The following KCNH1 variants were observed in gnomAD, a reference collection of about 807,000 sequenced individuals.
KCNH1 encodes the protein voltage-gated delayed rectifier potassium channel KCNH1.
Under a neutral mutation model 69.2 loss-of-function variants are expected in KCNH1, and 27 were observed. That is an observed-to-expected ratio of 0.39 (90% confidence interval 0.29 to 0.54). The LOEUF is 0.54. Ranked by LOEUF, KCNH1 falls within the 20% of genes least tolerant of loss-of-function variation. The pLI is 0.68. For missense variants in KCNH1, 798 were observed against 1,261.6 expected, an observed-to-expected ratio of 0.63 and a Z score of 5.57; for synonymous variants, 456 against 487.7, an observed-to-expected ratio of 0.93 and a Z score of 0.86.
At chr1:211,052,900 C>T (rs1259403995) in intron 5 of KCNH1, among the ~76,000 whole-genome samples, 1 of 152,204 alleles carries the variant, frequency 6.6e-6, no homozygotes, top group African/African-American at 2.4e-5. Context: ...TGGCTCATGG[C>T]CATCTCGCTC....
intron 6 of KCNH1, among the ~76,000 whole-genome samples, chr1:210,994,998 A>G (rs1362834102): frequency 1.3e-5 from 2 of 152,340 alleles, no homozygotes; most frequent in Admixed American, 6.5e-5. Flanking sequence ...TAAGTTCTCA[A>G]AAAACATTAG....
chr1:211,041,994 A>G (rs1690004671), intron 5 of KCNH1, among the ~76,000 whole-genome samples: 1 of 152,106 alleles, frequency 6.6e-6, no homozygotes, highest in South Asian at 2.1e-4. Context: ...ACCTCAAGTG[A>G]TCCACCCACC....
chr1:210,738,939 T>C (rs1032478792), intron 10 of KCNH1, among the ~76,000 whole-genome samples: 2 of 152,152 alleles, frequency 1.3e-5, no homozygotes, highest in African/African-American at 4.8e-5. Flanking sequence ...CTCCTTCCAA[T>C]AAATTCTCCT....
At chr1:210,851,525 G>A (rs776400570) in intron 7 of KCNH1, among the ~76,000 whole-genome samples, 4 of 152,136 alleles carry the variant, frequency 2.6e-5, no homozygotes, top group Admixed American at 6.5e-5. Context: ...TCATCAATTG[G>A]AGATATACCT....
intron 6 of KCNH1, among the ~76,000 whole-genome samples, chr1:211,008,255 A>AGTG (rs1689322323): frequency 1.3e-5 from 2 of 152,236 alleles, no homozygotes; most frequent in Non-Finnish European, 2.9e-5. Flanking sequence ...AACATGAATA[A>AGTG]ACCTTGATGA....
chr1:210,820,549 G>T (rs957580603), intron 7 of KCNH1, among the ~76,000 whole-genome samples: 2 of 152,092 alleles, frequency 1.3e-5, no homozygotes, highest in African/African-American at 2.4e-5. Context: ...CAGGAGAATT[G>T]CTTGAACCCA....
intron 10 of KCNH1, among the ~76,000 whole-genome samples, chr1:210,699,451 G>A (rs891998247): frequency 6.6e-6 from 1 of 152,236 alleles, no homozygotes; most frequent in Non-Finnish European, 1.5e-5. Context: ...CCACTCTGCC[G>A]AGGAGGAGCT....
chr1:210,876,543 A>T (rs1686378382), intron 7 of KCNH1, among the ~76,000 whole-genome samples: 1 of 152,310 alleles, frequency 6.6e-6, no homozygotes, highest in Non-Finnish European at 1.5e-5. Context: ...GCCAGGGCTA[A>T]CTAGGTCTAT....
chr1:210,891,224 G>C (rs1050850232), intron 7 of KCNH1, among the ~76,000 whole-genome samples: 1 of 152,170 alleles, frequency 6.6e-6, no homozygotes, highest in Non-Finnish European at 1.5e-5. Flanking sequence ...AAAAGGATGA[G>C]TTCATGTCCT....
intron 6 of KCNH1, among the ~76,000 whole-genome samples, chr1:211,007,364 G>T (rs79195643): frequency 6.6e-6 from 1 of 152,112 alleles, no homozygotes; most frequent in Non-Finnish European, 1.5e-5. Flanking sequence ...GTTTAACTGG[G>T]TTAAGAGCTT....
chr1:210,726,070 T>C (rs1347572377), intron 10 of KCNH1, among the ~76,000 whole-genome samples: 5 of 152,194 alleles, frequency 3.3e-5, no homozygotes, highest in Admixed American at 6.5e-5. Flanking sequence ...GCCTTCTTTT[T>C]GACAAAGGAA....
intron 1 of KCNH1, among the ~76,000 whole-genome samples, chr1:211,114,446 TAAATA>T (rs550317618): frequency 8.4e-4 from 128 of 152,286 alleles, no homozygotes; most frequent in African/African-American, 2.8e-3. Flanking sequence ...TTAGATCTGT[TAAATA>T]AAATAAAGAA....
intron 10 of KCNH1, among the ~76,000 whole-genome samples, chr1:210,773,272 G>T (rs1004486718): frequency 6.6e-6 from 1 of 152,120 alleles, no homozygotes; most frequent in Non-Finnish European, 1.5e-5. Context: ...TAAATGGCCA[G>T]GTTTCAAACC....
At chr1:210,709,742 AAGAG>A (rs35326611) in intron 10 of KCNH1, among the ~76,000 whole-genome samples, 49,101 of 144,850 alleles carry the variant, frequency 0.34, 9,495 homozygotes, top group South Asian at 0.53. Flanking sequence ...GAGAGAGAGA[AAGAG>A]AGAGAGAGAG....
At chr1:210,910,686 G>T (rs569810111) in intron 7 of KCNH1, among the ~76,000 whole-genome samples, 4 of 152,222 alleles carry the variant, frequency 2.6e-5, no homozygotes, top group Admixed American at 1.3e-4. Flanking sequence ...TGACCTCCCT[G>T]AGCCTTAGTT....
chr1:210,873,347 A>G (rs1686291872), intron 7 of KCNH1, among the ~76,000 whole-genome samples: 1 of 152,042 alleles, frequency 6.6e-6, no homozygotes, highest in Admixed American at 6.6e-5. Context: ...ATATTTCTAA[A>G]TCTTTATTTA....
intron 6 of KCNH1, among the ~76,000 whole-genome samples, chr1:210,993,145 G>A (rs1205868124): frequency 2.6e-5 from 4 of 152,040 alleles, no homozygotes; most frequent in Admixed American, 6.6e-5. Context: ...CAATTATAAC[G>A]ATTAGAAATA....
chr1:210,965,200 T>G (rs761122299), intron 6 of KCNH1, among the ~76,000 whole-genome samples: 1 of 152,148 alleles, frequency 6.6e-6, no homozygotes, highest in Non-Finnish European at 1.5e-5. Flanking sequence ...GAGACAAGGA[T>G]GCCCTCTCTC....
At chr1:211,087,459 C>T (rs1207212161) in intron 4 of KCNH1, among the ~76,000 whole-genome samples, 1 of 151,956 alleles carries the variant, frequency 6.6e-6, no homozygotes. Context: ...GAAGACAGAA[C>T]GCAACAGAAA....
Sources: allele counts gnomAD v4.1 joint callset (sites outside exome capture counted in the v4.1 genomes callset), GRCh38; gene constraint gnomAD v4.1.1; transcripts MANE v1.5; gene names NCBI Gene and HGNC (gene_info 2026-07-23, HGNC 2026-07-21).